DGKB: variants seen among roughly 807,000 people sequenced by gnomAD.
DGKB encodes diacylglycerol kinase beta, also known as 90 kDa diacylglycerol kinase.
A neutral mutation model predicts 114.3 loss-of-function variants in DGKB; 67 were observed. That is an observed-to-expected ratio of 0.59 (90% CI 0.48 to 0.72). DGKB has a LOEUF of 0.72. Among genes scored for constraint, DGKB ranks in the 30% least tolerant of loss-of-function variants. The pLI, the probability that DGKB is intolerant of heterozygous loss-of-function variation, is 0.00. For synonymous variants in DGKB, 398 were observed against 323.1 expected (o/e 1.23, Z -2.49); for missense variants, 907 against 975.2 (o/e 0.93, Z 0.93).
intron 20 of DGKB, among the ~76,000 whole-genome samples, chr7:14,567,298 T>A (rs1397093481): frequency 2.4e-5 from 1 of 41,704 alleles, no homozygotes; most frequent in African/African-American, 1.1e-4. Flanking sequence ...ATAATATATT[T>A]ATATATTATA....
intron 23 of DGKB, among the ~76,000 whole-genome samples, chr7:14,291,860 C>T (rs565598225): frequency 6.6e-6 from 1 of 152,104 alleles, no homozygotes; most frequent in African/African-American, 2.4e-5. Flanking sequence ...TAATCATCAG[C>T]TCTAGTTGTC....
At chr7:14,405,634 C>G (rs942170504) in intron 21 of DGKB, among the ~76,000 whole-genome samples, 1 of 151,928 alleles carries the variant, frequency 6.6e-6, no homozygotes, top group African/African-American at 2.4e-5. Context: ...CACCCTTGAG[C>G]TATAACCAAG....
intron 5 of DGKB, among the ~76,000 whole-genome samples, chr7:14,728,998 G>A (rs1830435391): frequency 6.6e-6 from 1 of 151,190 alleles, no homozygotes; most frequent in South Asian, 2.1e-4. Context: ...CTGTGCCAAG[G>A]CTCCAGCCTC....
intron 20 of DGKB, among the ~76,000 whole-genome samples, chr7:14,509,646 A>G (rs1041071424): frequency 1.3e-5 from 2 of 152,192 alleles, no homozygotes; most frequent in African/African-American, 4.8e-5. Context: ...CTGCCCTAAG[A>G]ACAAAGGGCT....
intron 25 of DGKB, among the ~76,000 whole-genome samples, chr7:14,150,037 T>C (rs781233866): frequency 3.3e-5 from 5 of 152,120 alleles, no homozygotes; most frequent in African/African-American, 1.2e-4. Flanking sequence ...TCAAAGCTAA[T>C]TGAAAGCAAT....
chr7:14,290,485 C>T (rs769046666), intron 23 of DGKB, among the ~76,000 whole-genome samples: 1 of 152,100 alleles, frequency 6.6e-6, no homozygotes, highest in African/African-American at 2.4e-5. Context: ...TTATTTTTCA[C>T]TGATGCTCAC....
intron 2 of DGKB, among the ~76,000 whole-genome samples, chr7:14,834,575 A>G (rs1846885886): frequency 6.6e-6 from 1 of 151,994 alleles, no homozygotes; most frequent in African/African-American, 2.4e-5. Context: ...GCAACTGCCA[A>G]TTTTTAAAGC....
intron 23 of DGKB, among the ~76,000 whole-genome samples, chr7:14,219,328 C>A (rs186229565): frequency 6.6e-6 from 1 of 151,910 alleles, no homozygotes; most frequent in Non-Finnish European, 1.5e-5. Context: ...TATGTTTAGC[C>A]ATTTGATAAA....
intron 1 of DGKB, among the ~76,000 whole-genome samples, chr7:14,868,229 G>A (rs1213153314): frequency 6.6e-6 from 1 of 151,998 alleles, no homozygotes; most frequent in African/African-American, 2.4e-5. Context: ...AGCAGCTATG[G>A]TACACATTCT....
At chr7:14,826,061 C>A (rs1003994686) in intron 2 of DGKB, among the ~76,000 whole-genome samples, 1 of 152,268 alleles carries the variant, frequency 6.6e-6, no homozygotes, top group South Asian at 2.1e-4. Context: ...TTGATTTTGC[C>A]TACATCGCTC....
At chr7:14,961,991 C>T (rs191027455) in intron 1 of DGKB, among the ~76,000 whole-genome samples, 8 of 152,186 alleles carry the variant, frequency 5.3e-5, no homozygotes, top group Non-Finnish European at 1.0e-4. Flanking sequence ...AAAACATGTC[C>T]TCTCAGCCTT....
chr7:14,799,999 C>T (rs867314986), intron 2 of DGKB, among the ~76,000 whole-genome samples: 109 of 152,212 alleles, frequency 7.2e-4, no homozygotes, highest in Middle Eastern at 3.4e-3. Context: ...TTACTATGAC[C>T]TACGCCTCCT....
chr7:14,734,178 G>T (rs1177251697), intron 5 of DGKB, among the ~76,000 whole-genome samples: 1 of 148,818 alleles, frequency 6.7e-6, no homozygotes, highest in Admixed American at 6.8e-5. Context: ...GGGATTACAG[G>T]CGCCTGCCAC....
At chr7:14,805,035 T>C (rs1586630317) in intron 2 of DGKB, among the ~76,000 whole-genome samples, 1 of 152,270 alleles carries the variant, frequency 6.6e-6, no homozygotes, top group Non-Finnish European at 1.5e-5. Flanking sequence ...TATTGTGCTT[T>C]GATGTTTTAG....
At chr7:14,334,582 A>G (rs1240627911) in intron 23 of DGKB, among the ~76,000 whole-genome samples, 1 of 151,768 alleles carries the variant, frequency 6.6e-6, no homozygotes, top group Admixed American at 6.6e-5. Context: ...AAATCTGGCA[A>G]TGAATTTTTT....
At chr7:14,898,863 A>ATATT (rs1292192271) in intron 1 of DGKB, among the ~76,000 whole-genome samples, 3 of 152,174 alleles carry the variant, frequency 2.0e-5, no homozygotes, top group Non-Finnish European at 2.9e-5. Flanking sequence ...AGTGATCGGC[A>ATATT]TATTGCCAAT....
At chr7:14,153,749 CAG>C (rs1782569607) in intron 25 of DGKB, among the ~76,000 whole-genome samples, 1 of 151,568 alleles carries the variant, frequency 6.6e-6, no homozygotes, top group Non-Finnish European at 1.5e-5. Flanking sequence ...TAAATGTCCT[CAG>C]AGAGAAAAAA....
chr7:14,565,091 T>G (rs1420560077), intron 20 of DGKB, among the ~76,000 whole-genome samples: 2 of 152,178 alleles, frequency 1.3e-5, no homozygotes, highest in Non-Finnish European at 1.5e-5. Flanking sequence ...CTTAGTTATG[T>G]GATATTCTTT....
chr7:14,277,352 T>A (rs546468675), intron 23 of DGKB, among the ~76,000 whole-genome samples: 1 of 152,220 alleles, frequency 6.6e-6, no homozygotes, highest in African/African-American at 2.4e-5. Flanking sequence ...TTTTTCTTTT[T>A]TTGTAGAGAC....
Sources: allele counts gnomAD v4.1 joint callset (sites outside exome capture counted in the v4.1 genomes callset), GRCh38; gene constraint gnomAD v4.1.1; transcripts MANE v1.5; gene names NCBI Gene and HGNC (gene_info 2026-07-23, HGNC 2026-07-21).